LSAMP: variants seen among roughly 807,000 people sequenced by gnomAD.
LSAMP encodes limbic system associated membrane protein.
Under a neutral mutation model 38.6 loss-of-function variants are expected in LSAMP, and 7 were observed. That is an observed-to-expected ratio of 0.18 (90% CI 0.10 to 0.34). The LOEUF is 0.34. LSAMP is among the 10% of genes least tolerant of loss of function. The pLI is 1.00. For synonymous variants in LSAMP, 154 were observed against 166.8 expected, an observed-to-expected ratio of 0.92 and a Z score of 0.59; for missense variants, 313 against 420.0, an observed-to-expected ratio of 0.75 and a Z score of 2.23.
intron 1 of LSAMP, among the ~76,000 whole-genome samples, chr3:116,420,833 C>T (rs952696697): frequency 3.3e-5 from 5 of 152,010 alleles, no homozygotes; most frequent in East Asian, 1.9e-4. Flanking sequence ...GTGGAGCTCA[C>T]GCCACTGCAC....
chr3:115,945,225 G>T (rs1938055895), intron 3 of LSAMP, among the ~76,000 whole-genome samples: 2 of 151,948 alleles, frequency 1.3e-5, no homozygotes, highest in African/African-American at 4.8e-5. Flanking sequence ...TCAAATTATG[G>T]CTTACATACA....
chr3:116,345,928 G>A (rs1445732733), intron 1 of LSAMP, among the ~76,000 whole-genome samples: 1 of 152,118 alleles, frequency 6.6e-6, no homozygotes. Flanking sequence ...GACTGCTTCC[G>A]ACTAGTGTTT....
chr3:116,379,546 A>T lies in LSAMP; in HGVS notation c.155+65331T>A, dbSNP rs2048532352. On this transcript the variant is annotated intron_variant, in intron 1 of 6. Transcript: ENST00000490035. ...GAGTTCTAAGCAGGGAAGTGACATG[A>T]TCTGACCTATATTTCTGGAAGATTG... 2.0e-5 allele frequency among the ~76,000 whole-genome samples: 3 copies of T among 152,066 alleles called. No individual in the cohort carries two copies. The South Asian group carries it at 6.2e-4, about 31-fold the overall frequency.
chr3:116,323,236 A>G (rs2047728375), intron 1 of LSAMP, among the ~76,000 whole-genome samples: 1 of 152,098 alleles, frequency 6.6e-6, no homozygotes, highest in Non-Finnish European at 1.5e-5. Context: ...CCATCCCTGA[A>G]TATCCATTAT....
intron 1 of LSAMP, among the ~76,000 whole-genome samples, chr3:116,310,716 C>T (rs550633743): frequency 6.6e-6 from 1 of 152,004 alleles, no homozygotes; most frequent in African/African-American, 2.4e-5. Flanking sequence ...ATAAATGATG[C>T]CTAAAGATCT....
At chr3:116,117,816 T>G (rs1176712740) in intron 1 of LSAMP, among the ~76,000 whole-genome samples, 1 of 152,204 alleles carries the variant, frequency 6.6e-6, no homozygotes, top group Non-Finnish European at 1.5e-5. Context: ...GGGTATATAC[T>G]CTCAACATAA....
At chr3:115,889,514 T>C (rs1416958386) in intron 3 of LSAMP, among the ~76,000 whole-genome samples, 1 of 151,876 alleles carries the variant, frequency 6.6e-6, no homozygotes, top group Non-Finnish European at 1.5e-5. Flanking sequence ...AACTGATATT[T>C]CTAATATGAA....
chr3:116,060,198 GT>G (rs55818433), intron 2 of LSAMP, among the ~76,000 whole-genome samples: 7,671 of 141,934 alleles, frequency 0.054, 257 homozygotes, highest in Middle Eastern at 0.15. Context: ...AAGCAACATA[GT>G]TTTTTTTTTT....
intron 3 of LSAMP, among the ~76,000 whole-genome samples, chr3:115,935,478 C>T (rs528874213): frequency 1.2e-4 from 19 of 152,220 alleles, no homozygotes; most frequent in South Asian, 4.2e-4. Context: ...GTGCTTCACA[C>T]GCTGCTCGTC....
chr3:116,422,735 T>G, intron 1 of LSAMP, among the ~76,000 whole-genome samples: 1 of 152,374 alleles, frequency 6.6e-6, no homozygotes, highest in East Asian at 1.9e-4. Flanking sequence ...TGAATTTTAT[T>G]ATATATAAGT....
intron 1 of LSAMP, among the ~76,000 whole-genome samples, chr3:116,302,683 T>C (rs1236452386): frequency 6.6e-6 from 1 of 152,226 alleles, no homozygotes; most frequent in Non-Finnish European, 1.5e-5. Context: ...CATTCAAAGT[T>C]ACAGATCTGT....
At chr3:116,144,300 A>T (rs72959799) in intron 1 of LSAMP, among the ~76,000 whole-genome samples, 5,042 of 152,004 alleles carry the variant, frequency 0.033, 219 homozygotes, top group African/African-American at 0.1. Context: ...ACTTTGGGAG[A>T]CCAATGCGAG....
At chr3:116,318,156 T>A (rs1308945221) in intron 1 of LSAMP, among the ~76,000 whole-genome samples, 12 of 113,092 alleles carry the variant, frequency 1.1e-4, no homozygotes, top group Non-Finnish European at 1.4e-4. Context: ...AAAAAAAAAA[T>A]TTTAGTAATA....
chr3:116,305,926 T>C (rs1184050447), intron 1 of LSAMP, among the ~76,000 whole-genome samples: 7 of 86,978 alleles, frequency 8.0e-5, no homozygotes, highest in Non-Finnish European at 1.5e-4. Context: ...ATGAAATTAT[T>C]TCAGTGCTTT....
intron 1 of LSAMP, chr3:116,367,968 C>G (rs1372347667): frequency 2.0e-5 from 3 of 152,172 alleles, no homozygotes; most frequent in Admixed American, 1.3e-4. Context: ...TCTGTGCCAT[C>G]TCGAAATCTA....
chr3:116,439,734 T>A (rs796261564), intron 1 of LSAMP, among the ~76,000 whole-genome samples: 7 of 152,290 alleles, frequency 4.6e-5, no homozygotes, highest in African/African-American at 1.7e-4. Flanking sequence ...ATTTATTTAT[T>A]TATTTTTGAG....
At chr3:115,994,163 A>G (rs1939750387) in intron 3 of LSAMP, among the ~76,000 whole-genome samples, 1 of 152,112 alleles carries the variant, frequency 6.6e-6, no homozygotes, top group South Asian at 2.1e-4. Context: ...TCAGTATGGC[A>G]TCAGCTCTTC....
In LSAMP at chr3:115,807,652, C is replaced by G. The variant is rs1933659960; in HGVS notation, c.*2665G>C. 6.6e-6 allele frequency: 1 copy of G among 152,172 alleles called. No individual in the cohort carries two copies. The highest frequency in any genetic ancestry group is 6.5e-5 in the Admixed American group (1 of 15,274). The allele number at this position is 152,172 out of a possible 1,614,324, so 9.4% of individuals were successfully genotyped here. A position where few individuals can be genotyped will look rare whatever the true frequency, so the allele number is the denominator to read the frequency against. ...CCAACTTAACTCCTACTTTTCTCTT[C>G]CTGTATATCTTTAAATTAGCATGCG... On this transcript the variant is annotated 3_prime_UTR_variant, in exon 7 of 7. Transcript: ENST00000490035.
chr3:115,960,536 G>T (rs1251436531), intron 3 of LSAMP, among the ~76,000 whole-genome samples: 1 of 152,110 alleles, frequency 6.6e-6, no homozygotes, highest in African/African-American at 2.4e-5. Flanking sequence ...ACTGATGCAT[G>T]TTGTCATCTT....
Sources: allele counts gnomAD v4.1 joint callset (sites outside exome capture counted in the v4.1 genomes callset), GRCh38; gene constraint gnomAD v4.1.1; transcripts MANE v1.5; gene names NCBI Gene and HGNC (gene_info 2026-07-23, HGNC 2026-07-21).